Variants in GPC3 observed in about 807,000 individuals in gnomAD.
The protein encoded by GPC3 is glypican 3, also known as glypican-3.
A neutral mutation model predicts 34.4 loss-of-function variants in GPC3; 3 were observed. That is an observed-to-expected ratio of 0.09 (90% CI 0.04 to 0.23). The LOEUF (loss-of-function observed/expected upper bound fraction) is 0.23, where lower values mean the gene tolerates loss of function less well. GPC3 is among the 10% of genes least tolerant of loss of function. The pLI is 1.00. For missense variants in GPC3, 351 were observed against 445.6 expected (o/e 0.79, Z 1.91); for synonymous variants, 177 against 174.0 (o/e 1.02, Z -0.13).
At chrX:133,979,393 T>C (rs1208833704) in intron 1 of GPC3, among the ~76,000 whole-genome samples, 1 of 112,210 alleles carries the variant, frequency 8.9e-6, no homozygotes, top group African/African-American at 3.2e-5. Context: ...AAGTGAAAAA[T>C]GAATCTCTTA....
At chrX:133,679,105 G>A (rs1399862319) in intron 5 of GPC3, among the ~76,000 whole-genome samples, 1 of 112,156 alleles carries the variant, frequency 8.9e-6, no homozygotes, top group Non-Finnish European at 1.9e-5. Context: ...GGGCTGACTT[G>A]TTTAAAAATA....
intron 2 of GPC3, among the ~76,000 whole-genome samples, chrX:133,923,972 G>A (rs996618573): frequency 3.6e-5 from 4 of 111,347 alleles, no homozygotes; most frequent in African/African-American, 1.3e-4. Context: ...CCTATAAATC[G>A]CCCAGGAACA....
rs776098190 is a variant in GPC3, at chrX:133,961,071, G to A, written c.176-7860C>T. Among the ~76,000 whole-genome samples the A allele has an allele frequency of 2.7e-5, 3 of 112,003 alleles. No individual in the cohort carries two copies. The East Asian group carries it at 8.4e-4, about 31-fold the overall frequency. ...GCTCATTTAATTTCTCACAAATCAA[G>A]ATAGGAATACAGATGAAAGAAATGG... On this transcript the variant is annotated intron_variant, in intron 1 of 7. Coordinates refer to ENST00000370818, the MANE Select transcript of GPC3 (RefSeq NM_004484.4).
intron 2 of GPC3, among the ~76,000 whole-genome samples, chrX:133,762,077 A>T (rs1025564524): frequency 1.8e-5 from 2 of 112,306 alleles, no homozygotes; most frequent in Non-Finnish European, 3.8e-5. Context: ...GTAGGATAAA[A>T]ACAAATAGGT....
chrX:133,751,727 C>T (rs886971350), intron 3 of GPC3, among the ~76,000 whole-genome samples: 2 of 112,132 alleles, frequency 1.8e-5, no homozygotes, highest in Non-Finnish European at 3.8e-5. Flanking sequence ...CTAAGGGTGT[C>T]TATCAACCAA....
chrX:133,842,414 A>G (rs1329456797), intron 2 of GPC3, among the ~76,000 whole-genome samples: 1 of 105,753 alleles, frequency 9.5e-6, no homozygotes, highest in East Asian at 2.8e-4. Flanking sequence ...TATATATAAT[A>G]CATTATATAT....
intron 7 of GPC3, among the ~76,000 whole-genome samples, chrX:133,586,148 T>C (rs775025085): frequency 1.8e-5 from 2 of 111,974 alleles, no homozygotes; most frequent in Non-Finnish European, 3.8e-5. Context: ...TGAGTTATGA[T>C]AACTTTACGG....
In GPC3 at chrX:133,555,340, G is replaced by C. The variant is rs146461797; in HGVS notation, c.1574-19047C>G. On this transcript the variant is annotated intron_variant, in intron 7 of 7. Transcript: ENST00000370818. ...TGCCTCTGCTCATTTCTTAAAGATG[G>C]ATATTCTCTCATCTCTTCCTTGGCC... Among the ~76,000 whole-genome samples, 477 of 112,581 alleles carry C rather than the reference G, an allele frequency of 4.2e-3. 1 individual carries two copies. The highest frequency in any genetic ancestry group is 0.014 in the African/African-American group (435 of 31,038).
Position 133,609,242 on chromosome X carries a change from T to C in GPC3, c.1414-12643A>G, listed in dbSNP as rs774435205. ...TGATTGGGTCTCTCTGAATTCAGCA[T>C]GTATAGCTTTTGTAACATGTTGGTC... is the stretch of plus-strand genomic sequence containing the variant. On this transcript the variant is annotated intron_variant, in intron 6 of 7. Coordinates refer to ENST00000370818, the MANE Select transcript of GPC3 (RefSeq NM_004484.4). Among the ~76,000 whole-genome samples, 6 of 112,631 alleles carry C rather than the reference T, an allele frequency of 5.3e-5. No individual in the cohort carries two copies. In the East Asian group the frequency reaches 1.7e-3, roughly 31 times the overall value.
chrX:133,882,787 A>C (rs914349359), intron 2 of GPC3, among the ~76,000 whole-genome samples: 5 of 111,865 alleles, frequency 4.5e-5, no homozygotes, highest in Non-Finnish European at 9.4e-5. Context: ...GAAAATGGAA[A>C]GATATCCTGG....
At chrX:133,686,518 A>T (rs2071004387) in intron 5 of GPC3, among the ~76,000 whole-genome samples, 1 of 112,016 alleles carries the variant, frequency 8.9e-6, no homozygotes, top group Non-Finnish European at 1.9e-5. Flanking sequence ...ATGCTAAGTG[A>T]ATGATTCCAT....
rs574113312 is a variant in GPC3 at position 133,852,349 on chromosome X, G to A, written c.338-98173C>T. 8.9e-4 allele frequency among the ~76,000 whole-genome samples: 99 copies of A among 111,463 alleles called. No homozygotes were observed. In the Middle Eastern group the frequency reaches 0.014, roughly 16 times the overall value. On this transcript the variant is annotated intron_variant, in intron 2 of 7. Coordinates refer to ENST00000370818, the MANE Select transcript of GPC3 (RefSeq NM_004484.4). ...CAGGCTGCCTCCAGAAAGGAGGATG[G>A]GAATAATTAGAAAATCTTTATTGGA... is the stretch of plus-strand genomic sequence containing the variant.
intron 1 of GPC3, among the ~76,000 whole-genome samples, chrX:133,971,708 G>A (rs769308139): frequency 6.3e-5 from 7 of 110,857 alleles, no homozygotes; most frequent in Admixed American, 1.9e-4. Context: ...AGGAAGATGC[G>A]GAGAACAGTC....
intron 6 of GPC3, among the ~76,000 whole-genome samples, chrX:133,629,486 C>T (rs775109722): frequency 1.2e-4 from 13 of 110,838 alleles, no homozygotes; most frequent in African/African-American, 4.3e-4. Context: ...ACCTCCACCC[C>T]CCAGGTTCAA....
rs2071348042 is a variant in GPC3, at chrX:133,720,012, C to A, written c.1033-19984G>T. ...AAATTCAAACCACGATGAGATACCACCTTACTCCTGCAAGAATGGCCATAA... is the reference window on the plus strand; with the variant it reads ...AAATTCAAACCACGATGAGATACCAACTTACTCCTGCAAGAATGGCCATAA... On this transcript the variant is annotated intron_variant, in intron 3 of 7. Transcript: ENST00000370818. 5.4e-5 allele frequency among the ~76,000 whole-genome samples: 6 copies of A among 111,943 alleles called. No homozygotes were observed. In the South Asian group the frequency reaches 2.3e-3, roughly 42 times the overall value.
chrX:133,654,322 T>TAC (rs1001835376), intron 6 of GPC3, among the ~76,000 whole-genome samples: 5 of 111,670 alleles, frequency 4.5e-5, no homozygotes, highest in Non-Finnish European at 7.5e-5. Flanking sequence ...AGTATTTGAA[T>TAC]ACACACACAC....
At chrX:133,661,580 C>T (rs910346285) in intron 6 of GPC3, 150 bp downstream of exon 6, 9 of 10,496 alleles carry the variant, frequency 8.6e-4, no homozygotes, top group Admixed American at 1.9e-3. Flanking sequence ...CTCTCTCTCT[C>T]TCTCTCTCTC....
chrX:133,677,649 A>G (rs2070897757), intron 5 of GPC3, among the ~76,000 whole-genome samples: 1 of 111,694 alleles, frequency 9.0e-6, no homozygotes, highest in African/African-American at 3.3e-5. Flanking sequence ...TTATTATCAG[A>G]GGCATGTGAG....
intron 1 of GPC3, among the ~76,000 whole-genome samples, chrX:133,967,534 T>C (rs1444226712): frequency 8.9e-6 from 1 of 112,513 alleles, no homozygotes; most frequent in Non-Finnish European, 1.9e-5. Context: ...TTATATAACT[T>C]GTCTTCAGAA....
Sources: allele counts gnomAD v4.1 joint callset (sites outside exome capture counted in the v4.1 genomes callset), GRCh38; gene constraint gnomAD v4.1.1; transcripts MANE v1.5; gene names NCBI Gene and HGNC (gene_info 2026-07-23, HGNC 2026-07-21).